PRSS36: variants seen among roughly 807,000 people sequenced by gnomAD.
The protein encoded by PRSS36 is serine protease 36.
A neutral mutation model predicts 94.3 loss-of-function variants in PRSS36; 90 were observed. The observed-to-expected ratio is 0.95, with a 90% CI of 0.80 to 1.14. PRSS36 has a LOEUF of 1.14. PRSS36 is among the 50% of genes most tolerant of loss of function. PRSS36 has a pLI of 0.00. For synonymous variants in PRSS36, 500 were observed against 489.6 expected (o/e 1.02, Z -0.28); for missense variants, 1,158 against 1,135.0 (o/e 1.02, Z -0.29).
Position 31,138,973 on chromosome 16 carries a change from T to G in PRSS36, c.*165A>C. ...CGCTCCTCCCACCACCCCCAAGGAT[T>G]CCTGGGTTCAAAATAGCCCGGGCAC... On this transcript the variant is annotated 3_prime_UTR_variant, in exon 15 of 15. Transcript: ENST00000268281. 1 of 707,574 alleles carries G rather than the reference T, an allele frequency of 1.4e-6. No homozygotes were observed. The highest frequency in any genetic ancestry group is 2.3e-6 in the Non-Finnish European group (1 of 440,812). 43.8% of individuals were successfully genotyped at this position (707,574 alleles called of 1,614,324 possible).
In PRSS36 at chr16:31,142,597, C is replaced by A; in HGVS notation, c.1405G>T (p.Gly469Cys). ...CCGTACAGGCAGTGGCACCACCAGC[C>A]GCCTAACAGCTCCGCCTCCAGCAGC... ...GALLEAELLG[G>C]WWCHCLYGRQ... The change falls in exon 10 of 15, where the codon GGC (glycine) becomes TGC (cysteine). Residue 469 changes from glycine to cysteine, a missense_variant. Coordinates refer to ENST00000268281, the MANE Select transcript of PRSS36 (RefSeq NM_173502.5). 1.3e-6 allele frequency: 2 copies of A among 1,518,586 alleles called. No individual in the cohort carries two copies. The highest frequency in any genetic ancestry group is 1.8e-6 in the Non-Finnish European group (2 of 1,137,970). The allele number at this position is 1,518,586 out of a possible 1,614,324, so 94.1% of individuals were successfully genotyped here.
Position 31,139,374 on chromosome 16 carries a change from A to T in PRSS36, c.2332T>A (p.Ser778Thr). The T allele has an allele frequency of 1.2e-6, 2 of 1,613,918 alleles. No individual in the cohort carries two copies. The highest frequency in any genetic ancestry group is 1.7e-6 in the Non-Finnish European group (2 of 1,179,956). ...ACAGCCATGCCCACGAGGATCCAGG[A>T]CCCTTCCGTCATCTGGCACAGGAGG... ...PPLLCQMTEG[S>T]WILVGMAVQG... Residue 778 changes from serine (S) to threonine (T), a missense_variant, in exon 15 of 15, where the codon TCC (serine) becomes ACC (threonine). Physicochemically the swap from Ser to Thr is moderately conservative, Grantham distance 58. Coordinates refer to ENST00000268281, the MANE Select transcript of PRSS36 (RefSeq NM_173502.5).
Position 31,148,443 on chromosome 16 carries a change from G to T in PRSS36, c.505C>A (p.His169Asn). Residue 169 changes from histidine to asparagine, a missense_variant, in exon 5 of 15, where the codon CAC becomes AAC. Coordinates refer to ENST00000268281, the MANE Select transcript of PRSS36 (RefSeq NM_173502.5). ...CCGGTGGCCCAGCAGGCGGTGCCGT[G>T]CACGAAGCGGTGTGAGGCGCGGGGC... ...CLPRASHRFVHGTACWATGWG... is the reference protein window; with the variant it reads ...CLPRASHRFVNGTACWATGWG... 6.4e-7 allele frequency: 1 copy of T among 1,574,218 alleles called. No homozygotes were observed. Among genetic ancestry groups the T allele is most frequent in the South Asian group, 1.1e-5 (1 of 88,096 alleles).
intron 5 of PRSS36, among the ~76,000 whole-genome samples, chr16:31,147,771 G>A (rs903408057): frequency 6.6e-6 from 1 of 152,112 alleles, no homozygotes; most frequent in African/African-American, 2.4e-5. Flanking sequence ...AATGATGGTG[G>A]GTAGGAAGAA....
Position 31,142,789 on chromosome 16 carries a change from T to C in PRSS36, c.1305A>G (p.Glu435=). Residue 435 remains glutamate, a synonymous_variant, in exon 9 of 15, where the codon GAA becomes GAG. Coordinates refer to ENST00000268281, the MANE Select transcript of PRSS36 (RefSeq NM_173502.5). ...AGCGGCTCCCGGGCAGGAAGTAGTG[T>C]TCCGGGTGGGGTAGGCACACGGGCC... ...ASRPVCLPHP[E]HYFLPGSRCR... 6.7e-7 allele frequency: 1 copy of C among 1,485,098 alleles called. No homozygotes were observed. The highest frequency in any genetic ancestry group is 9.0e-7 in the Non-Finnish European group (1 of 1,115,650). The allele number at this position is 1,485,098 out of a possible 1,614,324, so 92.0% of individuals were successfully genotyped here. A position where few individuals can be genotyped will look rare whatever the true frequency, so the allele number is the denominator to read the frequency against.
chr16:31,146,000 AT>A lies in PRSS36; in HGVS notation c.554-46del, dbSNP rs1228486313. On this transcript the variant is annotated intron_variant, in intron 5 of 14. Transcript: ENST00000268281. ...GCAGGTGCTGTGAGGCAGGTATGGC[AT>A]CCCCAGTTCCCAGGGTTCAGGTTTG... The A allele has an allele frequency of 2.6e-6, 4 of 1,528,970 alleles. No individual in the cohort carries two copies. The African/African-American group carries it at 5.9e-5, about 23-fold the overall frequency. 94.7% of individuals were successfully genotyped at this position (1,528,970 alleles called of 1,614,324 possible).
In PRSS36 at chr16:31,139,360, C is replaced by CA. The variant is rs755611679; in HGVS notation, c.2345dup (p.Met784HisfsTer16). On this transcript the variant is annotated frameshift_variant, in exon 15 of 15. Coordinates refer to ENST00000268281, the MANE Select transcript of PRSS36 (RefSeq NM_173502.5). LOFTEE classifies it low-confidence loss of function (END_TRUNC). The stretch of plus-strand genomic sequence containing the variant: ...CCCGGCTCCCTTGAACAGCCATGCC[C>CA]ACGAGGATCCAGGACCCTTCCGTCA... 6.2e-7 allele frequency: 1 copy of CA among 1,614,148 alleles called. No homozygotes were observed. The highest frequency in any genetic ancestry group is 1.1e-5 in the South Asian group (1 of 91,088).
chr16:31,142,449 C>T (rs1342944800), intron 10 of PRSS36, 32 bp downstream of exon 10: 2 of 1,420,012 alleles, frequency 1.4e-6, no homozygotes, highest in South Asian at 2.9e-5. Context: ...CTCTCGGGCC[C>T]GCGTTCCGCG....
rs778638384 is a variant in PRSS36, at chr16:31,140,571, C to T, written c.2088G>A (p.Leu696=). The change falls in exon 13 of 15, where the codon CTG becomes CTA. Residue 696 remains leucine (L), a synonymous_variant. Coordinates refer to ENST00000268281, the MANE Select transcript of PRSS36 (RefSeq NM_173502.5). ...TACCCGCCGGGTGGAGACAGATGGGCAGGGCTGATGGGGAGGGCTCCACCC... is the reference window on the plus strand; with the variant it reads ...TACCCGCCGGGTGGAGACAGATGGGTAGGGCTGATGGGGAGGGCTCCACCC... ...SSRVEPSPSA[L]PICLHPAGIP... is the part of the protein sequence containing the mutation. The T allele has an allele frequency of 6.3e-7, 1 of 1,598,816 alleles. No homozygotes were observed. The highest frequency in any genetic ancestry group is 1.1e-5 in the South Asian group (1 of 88,102).
In PRSS36 at chr16:31,140,304, T is replaced by A. The variant is rs750987413; in HGVS notation, c.2279A>T (p.Asn760Ile). ...CCCAGGCCCCTGTACCTCACACCTG[T>A]TCTCCTGCCCCTCTGCATACAGGAC... ...LCVLYAEGQE[N>I]RCEMTSAPPL... The change falls in exon 14 of 15, where the codon AAC (asparagine) becomes ATC (isoleucine). Residue 760 changes from asparagine to isoleucine, a missense_variant. By Grantham distance (149) the Asn-to-Ile change is moderately radical (BLOSUM62 -3). Transcript: ENST00000268281. 1.9e-5 allele frequency: 31 copies of A among 1,611,778 alleles called. No homozygotes were observed. The highest frequency in any genetic ancestry group is 2.5e-5 in the Non-Finnish European group (29 of 1,178,828).
Position 31,149,331 on chromosome 16 carries a change from C to G in PRSS36, c.110-96G>C, listed in dbSNP as rs1394520456. 13 of 1,515,468 alleles carry G rather than the reference C, an allele frequency of 8.6e-6. No individual in the cohort carries two copies. The African/African-American group carries it at 1.7e-4, about 19-fold the overall frequency. 93.9% of individuals were successfully genotyped at this position (1,515,468 alleles called of 1,614,324 possible). On this transcript the variant is annotated intron_variant, in intron 3 of 14. Coordinates refer to ENST00000268281, the MANE Select transcript of PRSS36 (RefSeq NM_173502.5). ...ACGAAGGCCCGTCCTCCACCCACTTCAGTTTGCCCCTCTGAACAAAGAACA... is the reference window on the plus strand; with the variant it reads ...ACGAAGGCCCGTCCTCCACCCACTTGAGTTTGCCCCTCTGAACAAAGAACA...
chr16:31,142,844 C>G lies in PRSS36; in HGVS notation c.1250G>C (p.Arg417Pro). 6.4e-7 allele frequency: 1 copy of G among 1,554,514 alleles called. No homozygotes were observed. Among genetic ancestry groups the G allele is most frequent in the Non-Finnish European group, 8.7e-7 (1 of 1,153,940 alleles). ...NASDLALLQLRTPVNLSAASR... is the reference protein window; with the variant it reads ...NASDLALLQLPTPVNLSAASR... The stretch of plus-strand genomic sequence containing the variant: ...AGCCGCGCTCAGGTTCACGGGCGTG[C>G]GCAGCTGCAGCAGCGCCAGGTCCGA... Residue 417 changes from arginine to proline, a missense_variant, in exon 9 of 15, where the codon CGC (arginine) becomes CCC (proline). Arg to Pro is a moderately radical substitution (Grantham distance 103). Transcript: ENST00000268281.
At chr16:31,145,718 G>C in intron 6 of PRSS36, 71 bp downstream of exon 6, 2 of 1,447,548 alleles carry the variant, frequency 1.4e-6, no homozygotes, top group South Asian at 2.6e-5. Context: ...GGCTTGGAGA[G>C]ATGTCCTTTA....
intron 12 of PRSS36, among the ~76,000 whole-genome samples, chr16:31,141,253 T>C (rs1410460567): frequency 2.0e-5 from 3 of 152,122 alleles, no homozygotes; most frequent in Non-Finnish European, 4.4e-5. Context: ...ATCCCACTAT[T>C]TTAAGAGTCC....
chr16:31,148,728 A>G (rs2057843100), intron 4 of PRSS36, 53 bp from the exon 5 acceptor site: 2 of 1,598,880 alleles, frequency 1.3e-6, no homozygotes, highest in Admixed American at 3.5e-5. Flanking sequence ...GAGGGGGCAG[A>G]CCCTCGTTGG....
At chr16:31,143,956 C>G in intron 6 of PRSS36, 119 bp from the exon 7 acceptor site, 1 of 1,309,518 alleles carries the variant, frequency 7.6e-7, no homozygotes, top group Non-Finnish European at 1.0e-6. Context: ...CCCTCCTTGG[C>G]TAGGCCTTGT....
rs1252429644 is a variant in PRSS36, at chr16:31,148,630, G to A, written c.318C>T (p.Gly106=). 1.2e-6 allele frequency: 2 copies of A among 1,612,368 alleles called. No individual in the cohort carries two copies. Among genetic ancestry groups the A allele is most frequent in the African/African-American group, 1.3e-5 (1 of 75,020 alleles). The change falls in exon 5 of 15, where the codon GGC becomes GGT. Residue 106 remains glycine, a synonymous_variant. Transcript: ENST00000268281. ...EPAAEWSVLL[G]VHSQDGPLDG... is the part of the protein sequence containing the mutation. ...CCAGGGGCCCGTCCTGGGAGTGCACGCCCAGCAGTACCGACCACTCGGCCG... is the reference window on the plus strand; with the variant it reads ...CCAGGGGCCCGTCCTGGGAGTGCACACCCAGCAGTACCGACCACTCGGCCG...
Position 31,140,210 on chromosome 16 carries a change from AT to A in PRSS36, c.2289+83del. 9 of 1,418,026 alleles carry A rather than the reference AT, an allele frequency of 6.3e-6. No homozygotes were observed. The African/African-American group carries it at 7.2e-5, about 11-fold the overall frequency. The allele number at this position is 1,418,026 out of a possible 1,614,324, so 87.8% of individuals were successfully genotyped here. A position where few individuals can be genotyped will look rare whatever the true frequency, so the allele number is the denominator to read the frequency against. On this transcript the variant is annotated intron_variant, in intron 14 of 14. Coordinates refer to ENST00000268281, the MANE Select transcript of PRSS36 (RefSeq NM_173502.5). Reference sequence around the variant, plus strand: ...GTCTCAAAAAAAAAAAAAAAAAAAAATTCCAATTCTGCTATCTCTCTAGGGT... The same window carrying A: ...GTCTCAAAAAAAAAAAAAAAAAAAAATCCAATTCTGCTATCTCTCTAGGGT...
intron 12 of PRSS36, 34 bp from the exon 13 acceptor site, chr16:31,140,791 C>T (rs775501076): frequency 2.4e-5 from 38 of 1,606,646 alleles, no homozygotes; most frequent in Admixed American, 3.4e-5. Flanking sequence ...ACCTTCTGCT[C>T]CTCCCATTGC....
Sources: gnomAD v4.1 joint callset for allele counts (sites outside exome capture counted in the v4.1 genomes callset) on GRCh38, gnomAD v4.1.1 for gene constraint, MANE v1.5 for transcripts, NCBI Gene and HGNC (gene_info 2026-07-23, HGNC 2026-07-21) for gene names.